Variants in CALD1 observed in about 807,000 individuals in gnomAD.
The protein encoded by CALD1 is caldesmon.
CALD1 carries 33 observed loss-of-function variants against 99.9 expected under a neutral mutation model. That is an observed-to-expected ratio of 0.33 (90% CI 0.25 to 0.44). The LOEUF is 0.44. Among genes scored for constraint, CALD1 ranks in the 20% least tolerant of loss-of-function variants. The probability of loss-of-function intolerance (pLI) is 1.00; values close to 1 mark genes in which losing one functional copy is unlikely to be tolerated. For synonymous variants in CALD1, 310 were observed against 325.0 expected (o/e 0.95, Z 0.50); for missense variants, 861 against 962.1 (o/e 0.89, Z 1.39).
intron 3 of CALD1, among the ~76,000 whole-genome samples, chr7:134,898,488 A>C (rs1802739706): frequency 6.6e-6 from 1 of 152,090 alleles, no homozygotes; most frequent in African/African-American, 2.4e-5. Flanking sequence ...TTTTTTTGTG[A>C]TATTTTAAGT....
At chr7:134,837,654 G>A (rs1799498391) in intron 1 of CALD1, among the ~76,000 whole-genome samples, 2 of 152,088 alleles carry the variant, frequency 1.3e-5, no homozygotes, top group African/African-American at 2.4e-5. Flanking sequence ...GCCAACAACA[G>A]ACTTTTATGA....
intron 14 of CALD1, among the ~76,000 whole-genome samples, chr7:134,967,641 C>T (rs1009247760): frequency 1.3e-5 from 2 of 152,150 alleles, no homozygotes; most frequent in African/African-American, 4.8e-5. Flanking sequence ...GTGGCCCTCA[C>T]TGAGCTATTC....
At chr7:134,711,680 A>ATATGTG in the CALD1 span, among the ~76,000 whole-genome samples, 31 of 109,580 alleles carry the variant, frequency 2.8e-4, no homozygotes, top group African/African-American at 9.3e-4. Context: ...ATATATATAT[A>ATATGTG]TGTGTGTGTG....
intron 14 of CALD1, 38 bp from the exon 15 acceptor site, chr7:134,968,302 C>A (rs1470305540): frequency 6.2e-7 from 1 of 1,609,270 alleles, no homozygotes; most frequent in Admixed American, 1.7e-5. Flanking sequence ...CAGTTTCACA[C>A]TACAGGCTGT....
At chr7:134,897,377 T>C (rs1802650586) in intron 3 of CALD1, among the ~76,000 whole-genome samples, 1 of 147,304 alleles carries the variant, frequency 6.8e-6, no homozygotes, top group East Asian at 1.9e-4. Context: ...CTATATACAA[T>C]ATATATATAT....
At chr7:134,817,205 T>TA (rs1554434829) in intron 1 of CALD1, among the ~76,000 whole-genome samples, 1 of 152,170 alleles carries the variant, frequency 6.6e-6, no homozygotes, top group Non-Finnish European at 1.5e-5. Context: ...AAAGAAGACT[T>TA]ATATTTAACA....
intron 3 of CALD1, among the ~76,000 whole-genome samples, chr7:134,896,743 A>C (rs2132556799): frequency 6.6e-6 from 1 of 152,308 alleles, no homozygotes; most frequent in South Asian, 2.1e-4. Context: ...TGCTTCTCAC[A>C]TTCCTCTCAG....
chr7:134,849,128 C>T (rs892775364), intron 2 of CALD1, among the ~76,000 whole-genome samples: 10 of 152,036 alleles, frequency 6.6e-5, no homozygotes, highest in African/African-American at 1.7e-4. Flanking sequence ...TCATTGGCTT[C>T]GTCTTGGCAA....
the CALD1 span, among the ~76,000 whole-genome samples, chr7:134,738,725 C>G: frequency 6.6e-6 from 1 of 152,188 alleles, no homozygotes; most frequent in South Asian, 2.1e-4. Context: ...ATTCTGTCAA[C>G]TCTGTTATGT....
intron 8 of CALD1, among the ~76,000 whole-genome samples, chr7:134,948,534 C>A (rs1283141246): frequency 3.3e-5 from 5 of 152,032 alleles, no homozygotes; most frequent in Non-Finnish European, 7.4e-5. Context: ...ATTTTATGGG[C>A]AAAGAAACCA....
chr7:134,821,985 G>C (rs1220635349), intron 1 of CALD1: 1 of 151,950 alleles, frequency 6.6e-6, no homozygotes, highest in Admixed American at 6.6e-5. Flanking sequence ...TCTTTCAAAG[G>C]TTTAACAATT....
rs186036527 is a variant in CALD1, at chr7:134,823,757, T to C, written c.-129-20127T>C. On this transcript the variant is annotated intron_variant, in intron 1 of 14. Coordinates refer to ENST00000361675, the MANE Select transcript of CALD1 (RefSeq NM_033138.4). ...CTTTGATGTCTGACTTTGAAAAAAA[T>C]ATATCATTTCTCAAACATACAATTC... is the stretch of plus-strand genomic sequence containing the variant. 8.1e-4 allele frequency among the ~76,000 whole-genome samples: 124 copies of C among 152,316 alleles called. 1 individual carries two copies. Among genetic ancestry groups the C allele is most frequent in the African/African-American group, 2.9e-3 (122 of 41,572 alleles).
intron 2 of CALD1, among the ~76,000 whole-genome samples, chr7:134,862,688 G>C (rs1800615221): frequency 6.6e-6 from 1 of 152,172 alleles, no homozygotes; most frequent in Non-Finnish European, 1.5e-5. Flanking sequence ...ATGAAACTGT[G>C]CAACAAAGAG....
chr7:134,949,539 AACCATCTAAAATTATATATTCAC>A (rs376504186), intron 8 of CALD1, among the ~76,000 whole-genome samples: 1 of 152,164 alleles, frequency 6.6e-6, no homozygotes, highest in African/African-American at 2.4e-5. Flanking sequence ...AGGTTTGTCA[AACCATCTAAAATTATATATTCAC>A]TTGAAGCGGG....
the CALD1 span, among the ~76,000 whole-genome samples, chr7:134,713,882 C>T: frequency 0.18 from 27,686 of 151,984 alleles, 2,559 homozygotes; most frequent in South Asian, 0.24. Context: ...GTTGGTGATA[C>T]GGTTTGGGTC....
intron 1 of CALD1, among the ~76,000 whole-genome samples, chr7:134,753,886 C>T (rs1264569561): frequency 6.6e-6 from 1 of 152,170 alleles, no homozygotes; most frequent in Non-Finnish European, 1.5e-5. Context: ...GAGTATTTGC[C>T]CACTCTGTTG....
chr7:134,759,266 A>G (rs552898728), intron 1 of CALD1, among the ~76,000 whole-genome samples: 80 of 152,320 alleles, frequency 5.3e-4, no homozygotes, highest in African/African-American at 1.9e-3. Flanking sequence ...AAAAAAATAG[A>G]TCTGTCTCTG....
chr7:134,826,457 C>A (rs116604784), intron 1 of CALD1, among the ~76,000 whole-genome samples: 2 of 152,070 alleles, frequency 1.3e-5, no homozygotes, highest in Non-Finnish European at 2.9e-5. Flanking sequence ...CAACACACAC[C>A]GGAGCTTTTC....
chr7:134,784,796 C>T (rs1199875380), intron 1 of CALD1, among the ~76,000 whole-genome samples: 1 of 152,130 alleles, frequency 6.6e-6, no homozygotes, highest in Non-Finnish European at 1.5e-5. Flanking sequence ...AGGATCCCAG[C>T]CGCGGTCCAT....
Sources: gnomAD v4.1 joint callset for allele counts (sites outside exome capture counted in the v4.1 genomes callset) on GRCh38, gnomAD v4.1.1 for gene constraint, MANE v1.5 for transcripts, NCBI Gene and HGNC (gene_info 2026-07-23, HGNC 2026-07-21) for gene names.